The following TRAPPC9 variants were observed in gnomAD, a reference collection of about 807,000 sequenced individuals.
The protein encoded by TRAPPC9 is trafficking protein particle complex subunit 9, also known as IKK2 binding protein.
In TRAPPC9, 83 loss-of-function variants were observed where a neutral mutation model predicts 124.0. That is an observed-to-expected ratio of 0.67 (90% CI 0.56 to 0.80). The LOEUF (loss-of-function observed/expected upper bound fraction) is 0.80, where lower values mean the gene tolerates loss of function less well. Ranked by LOEUF, TRAPPC9 falls within the 30% of genes least tolerant of loss-of-function variation. The probability of loss-of-function intolerance (pLI) is 0.00; values close to 1 mark genes in which losing one functional copy is unlikely to be tolerated. For missense variants in TRAPPC9, 1,302 were observed against 1,508.3 expected (o/e 0.86, Z 2.27); for synonymous variants, 638 against 617.5 (o/e 1.03, Z -0.49).
intron 17 of TRAPPC9, among the ~76,000 whole-genome samples, chr8:140,130,292 C>T (rs879791578): frequency 6.6e-6 from 1 of 152,312 alleles, no homozygotes; most frequent in African/African-American, 2.4e-5. Flanking sequence ...AGAAATGCTT[C>T]CAAATTTCAG....
intron 19 of TRAPPC9, among the ~76,000 whole-genome samples, chr8:139,946,642 G>A (rs950884707): frequency 4.0e-5 from 6 of 151,598 alleles, no homozygotes; most frequent in Admixed American, 3.9e-4. Context: ...GAAGAGGCAG[G>A]TGAAGAGATA....
At chr8:140,323,820 C>A (rs924114772) in intron 9 of TRAPPC9, among the ~76,000 whole-genome samples, 1 of 152,136 alleles carries the variant, frequency 6.6e-6, no homozygotes, top group Non-Finnish European at 1.5e-5. Context: ...CCCATCCACA[C>A]AAAACTCGAT....
intron 19 of TRAPPC9, among the ~76,000 whole-genome samples, chr8:139,961,297 G>GTGGCAGGGAGCA (rs1487828302): frequency 8.0e-6 from 1 of 124,650 alleles, no homozygotes; most frequent in Non-Finnish European, 1.9e-5. Context: ...CATGCCGGCT[G>GTGGCAGGGAGCA]TGGCAGGGAG....
At chr8:140,006,279 A>T (rs1194753798) in intron 18 of TRAPPC9, among the ~76,000 whole-genome samples, 5 of 152,222 alleles carry the variant, frequency 3.3e-5, no homozygotes, top group African/African-American at 1.2e-4. Context: ...ATAAACTTTA[A>T]AAATATAATT....
At chr8:140,458,401 T>G, upstream of TRAPPC9, 1 of 1,597,446 alleles carries the variant, frequency 6.3e-7, no homozygotes, top group Non-Finnish European at 8.5e-7. Flanking sequence ...GTACCCCCCG[T>G]GACTCCCACG....
chr8:140,224,610 C>G (rs2063405113), intron 16 of TRAPPC9, among the ~76,000 whole-genome samples: 1 of 152,230 alleles, frequency 6.6e-6, no homozygotes, highest in African/African-American at 2.4e-5. Flanking sequence ...AGCTTTGAAC[C>G]ATGTCAGTCC....
At chr8:140,053,466 T>G (rs924404352) in intron 17 of TRAPPC9, among the ~76,000 whole-genome samples, 2 of 152,258 alleles carry the variant, frequency 1.3e-5, no homozygotes, top group Non-Finnish European at 1.5e-5. Context: ...TAAGACTTAC[T>G]TTGTGACCCA....
chr8:140,352,180 A>G (rs7815187), intron 9 of TRAPPC9, among the ~76,000 whole-genome samples: 119,635 of 152,182 alleles, frequency 0.79, 47,131 homozygotes, highest in African/African-American at 0.83. Context: ...GATCATCCAC[A>G]CCACAGCAGG....
intron 17 of TRAPPC9, among the ~76,000 whole-genome samples, chr8:140,025,689 G>T (rs1283050114): frequency 1.3e-5 from 2 of 151,990 alleles, no homozygotes; most frequent in African/African-American, 4.8e-5. Context: ...GAAATATAGT[G>T]ACAGAACAAG....
At chr8:139,828,869 T>C (rs999767079) in intron 21 of TRAPPC9, among the ~76,000 whole-genome samples, 1 of 152,200 alleles carries the variant, frequency 6.6e-6, no homozygotes, top group African/African-American at 2.4e-5. Flanking sequence ...TACAAATACA[T>C]GCAATCCGAG....
At chr8:139,979,127 A>G (rs1836705872) in intron 19 of TRAPPC9, among the ~76,000 whole-genome samples, 1 of 120,164 alleles carries the variant, frequency 8.3e-6, no homozygotes, top group African/African-American at 4.9e-5. Flanking sequence ...AAGCACCACA[A>G]GAGAATTAAC....
At position 140,157,032 on chromosome 8, in the gene TRAPPC9, CAAA is replaced by C. The variant is rs1294896950; in HGVS notation, c.2556+64424_2556+64426del. On this transcript the variant is annotated intron_variant, in intron 17 of 22. Transcript: ENST00000438773. Reference sequence around the variant, plus strand: ...CATTCAGAAGCCTCCCTTTTCCATTCAAAAGCCTCCCTTTTCCATTCAAAAGCC... The same window carrying C: ...CATTCAGAAGCCTCCCTTTTCCATTCAGCCTCCCTTTTCCATTCAAAAGCC... Among the ~76,000 whole-genome samples the C allele has an allele frequency of 1.7e-4, 17 of 101,704 alleles. 1 individual carries two copies. The highest frequency in any genetic ancestry group is 5.0e-4 in the African/African-American group (12 of 23,904). The allele number at this position is 101,704 out of a possible 152,430, so 66.7% of individuals were successfully genotyped here.
intron 15 of TRAPPC9, among the ~76,000 whole-genome samples, chr8:140,256,449 AACTG>A (rs1443101699): frequency 6.6e-6 from 1 of 152,188 alleles, no homozygotes; most frequent in Non-Finnish European, 1.5e-5. Flanking sequence ...TAAGGAAGGT[AACTG>A]ACTTTCTTCC....
chr8:140,375,273 T>C (rs1339123731), intron 7 of TRAPPC9, among the ~76,000 whole-genome samples: 1 of 152,218 alleles, frequency 6.6e-6, no homozygotes, highest in Non-Finnish European at 1.5e-5. Context: ...TTCAATAGGC[T>C]GCACAGTCAC....
chr8:140,275,774 T>C lies in TRAPPC9; in HGVS notation c.2162A>G (p.Asn721Ser). The change falls in exon 15 of 23, where the codon AAT (asparagine) becomes AGT (serine). Residue 721 changes from asparagine (N) to serine (S), a missense_variant. Coordinates refer to ENST00000438773, the MANE Select transcript of TRAPPC9 (RefSeq NM_001160372.4). Reference sequence around the variant, plus strand: ...TCCATTGTAAAGCTGGACAGATACATTAGTAGATATTTCATCACCAGAAGA... The same window carrying C: ...TCCATTGTAAAGCTGGACAGATACACTAGTAGATATTTCATCACCAGAAGA... Reference protein sequence around the residue: ...QPSSGDEISTNVSVQLYNGES... With the variant: ...QPSSGDEISTSVSVQLYNGES... 1 of 1,613,236 alleles carries C rather than the reference T, an allele frequency of 6.2e-7. No homozygotes were observed. The highest frequency in any genetic ancestry group is 8.5e-7 in the Non-Finnish European group (1 of 1,179,196).
intron 9 of TRAPPC9, 40 bp downstream of exon 9, chr8:140,360,010 A>T: frequency 1.2e-6 from 2 of 1,613,634 alleles, no homozygotes; most frequent in Non-Finnish European, 1.7e-6. Flanking sequence ...TCTCATTCAC[A>T]GTTCCTTGAA....
chr8:140,361,493 T>G (rs532910864), intron 8 of TRAPPC9, among the ~76,000 whole-genome samples: 62 of 152,346 alleles, frequency 4.1e-4, no homozygotes, highest in Non-Finnish European at 7.3e-4. Flanking sequence ...GTTAAAGTTA[T>G]AAGGCTTCAG....
intron 21 of TRAPPC9, among the ~76,000 whole-genome samples, chr8:139,744,810 C>A (rs549530443): frequency 6.6e-6 from 1 of 152,226 alleles, no homozygotes; most frequent in African/African-American, 2.4e-5. Flanking sequence ...AGCTGTTGGG[C>A]TCTCTTGGGT....
intron 19 of TRAPPC9, among the ~76,000 whole-genome samples, chr8:139,969,474 AG>A (rs1297670385): frequency 2.0e-5 from 3 of 152,218 alleles, no homozygotes; most frequent in African/African-American, 7.2e-5. Context: ...CTCATGGCCT[AG>A]GTTCGGATCC....
Sources: gnomAD v4.1 joint callset for allele counts (sites outside exome capture counted in the v4.1 genomes callset) on GRCh38, gnomAD v4.1.1 for gene constraint, MANE v1.5 for transcripts, NCBI Gene and HGNC (gene_info 2026-07-23, HGNC 2026-07-21) for gene names.